Variants in C9orf78 observed in about 807,000 individuals in gnomAD.
C9orf78 encodes the protein chromosome 9 open reading frame 78.
C9orf78 carries 19 observed loss-of-function variants against 37.4 expected under a neutral mutation model. The ratio of observed to expected loss-of-function variants is 0.51; its 90% CI spans 0.35 to 0.74. The LOEUF is 0.74. Ranked by LOEUF, C9orf78 falls within the 30% of genes least tolerant of loss-of-function variation. The probability of loss-of-function intolerance (pLI) is 0.01; values close to 1 mark genes in which losing one functional copy is unlikely to be tolerated. For missense variants in C9orf78, 291 were observed against 370.8 expected (o/e 0.78, Z 1.77); for synonymous variants, 130 against 128.0 (o/e 1.02, Z -0.10).
rs1390469570 is a variant in C9orf78, at chr9:129,829,297, T to G, written c.686A>C (p.His229Pro). ...CCGTATGGGCGCGTTGAGCTCCTCA[T>G]GATAAACTGGACCCAAAGAGACCAG... ...VNYVQHNRFY[H>P]EELNAPIRRN... Residue 229 changes from histidine to proline, a missense_variant, in exon 8 of 9, where the codon CAT becomes CCT. Physicochemically the swap from His to Pro is moderately conservative, Grantham distance 77 (BLOSUM62 -2). Coordinates refer to ENST00000372447, the MANE Select transcript of C9orf78 (RefSeq NM_016520.3). The G allele has an allele frequency of 6.2e-7, 1 of 1,605,912 alleles. No homozygotes were observed. Among genetic ancestry groups the G allele is most frequent in the East Asian group, 2.2e-5 (1 of 44,780 alleles).
intron 4 of C9orf78, 52 bp downstream of exon 4, chr9:129,833,395 A>G (rs1049501114): frequency 9.4e-7 from 1 of 1,058,918 alleles, no homozygotes; most frequent in Non-Finnish European, 1.5e-6. Flanking sequence ...GGGAACCTAG[A>G]CCCAGGCAGC....
chr9:129,831,382 G>T, intron 5 of C9orf78: 1 of 368,082 alleles, frequency 2.7e-6, no homozygotes, highest in Non-Finnish European at 4.9e-6. Context: ...CAATGTTTTG[G>T]GGAAATATTA....
chr9:129,830,759 C>T (rs963616681), intron 6 of C9orf78, 112 bp downstream of exon 6: 1 of 759,404 alleles, frequency 1.3e-6, no homozygotes, highest in Admixed American at 2.0e-5. Context: ...ATCCACCCGC[C>T]TCAGCCTCCC....
chr9:129,835,275 T>G lies in C9orf78; in HGVS notation c.-54A>C, dbSNP rs1166190836. 6.7e-6 allele frequency: 9 copies of G among 1,340,928 alleles called. No homozygotes were observed. In the Admixed American group the frequency reaches 1.8e-4, roughly 26 times the overall value. The allele number at this position is 1,340,928 out of a possible 1,614,324, so 83.1% of individuals were successfully genotyped here. ...CGCGCCTCTGCGCAGCGGCCCAGGC[T>G]GCTTCCGGCGCGCGGCAGAGCGGTC... On this transcript the variant is annotated 5_prime_UTR_variant, in exon 1 of 9. Transcript: ENST00000372447.
intron 8 of C9orf78, chr9:129,828,579 T>A: frequency 4.1e-6 from 1 of 244,146 alleles, no homozygotes; most frequent in South Asian, 4.6e-5. Context: ...ACCTGCCACC[T>A]CACCTGGCTA....
At chr9:129,832,995 ATATGTGTGTGTG>A (rs1028178929) in intron 4 of C9orf78, among the ~76,000 whole-genome samples, 1 of 141,450 alleles carries the variant, frequency 7.1e-6, no homozygotes, top group African/African-American at 2.5e-5. Context: ...GTATATATAT[ATATGTGTGTGTG>A]TGTGTGTGTA....
intron 6 of C9orf78, 192 bp downstream of exon 6, chr9:129,830,679 T>G: frequency 9.4e-6 from 5 of 532,044 alleles, no homozygotes; most frequent in Non-Finnish European, 1.4e-5. Context: ...GCCCAGCTAA[T>G]TTTTGTATTT....
intron 6 of C9orf78, chr9:129,829,798 T>C (rs767030372): frequency 5.2e-6 from 2 of 387,138 alleles, no homozygotes; most frequent in Non-Finnish European, 9.3e-6. Context: ...TCAAAGTTTG[T>C]AAAGGCCAGA....
chr9:129,834,588 A>G lies in C9orf78; in HGVS notation c.143+119T>C, dbSNP rs77295310. 0.012 allele frequency: 8,951 copies of G among 716,744 alleles called. 588 individuals are homozygous for G. The African/African-American group carries it at 0.14, about 11-fold the overall frequency. The allele number at this position is 716,744 out of a possible 1,614,324, so 44.4% of individuals were successfully genotyped here. ...CGCTGTTCTCCAAGTTGGGCAGTGG[A>G]AGGTGTACAGTGTGTCAAGAGAAAA... On this transcript the variant is annotated intron_variant, in intron 2 of 8. Transcript: ENST00000372447.
intron 5 of C9orf78, 117 bp from the exon 6 acceptor site, chr9:129,831,185 GA>G: frequency 1.1e-5 from 8 of 699,822 alleles, no homozygotes; most frequent in Admixed American, 2.4e-5. Context: ...GGAGAAACGA[GA>G]AAAAAAATAA....
At position 129,835,204 on chromosome 9, in the gene C9orf78, C is replaced by A. The variant is rs750341360; in HGVS notation, c.18G>T (p.Lys6Asn). ...AGTCGCCCCGGCGGCGACGGAAAAT[C>A]TTCCGGACGACCGGCATGGTGACAA... MPVVR[K>N]IFRRRRGDSE... Residue 6 changes from lysine (K) to asparagine (N), a missense_variant, in exon 1 of 9, where the codon AAG becomes AAT. Lys to Asn is a moderately conservative substitution (Grantham distance 94). Coordinates refer to ENST00000372447, the MANE Select transcript of C9orf78 (RefSeq NM_016520.3). 2.5e-6 allele frequency: 4 copies of A among 1,610,674 alleles called. No individual in the cohort carries two copies. Among genetic ancestry groups the A allele is most frequent in the Non-Finnish European group, 3.4e-6 (4 of 1,179,094 alleles).
chr9:129,830,736 T>G, intron 6 of C9orf78, 135 bp downstream of exon 6: 1 of 673,388 alleles, frequency 1.5e-6, no homozygotes, highest in Non-Finnish European at 2.7e-6. Flanking sequence ...GGTCTTGAAC[T>G]CCTGACCTCG....
chr9:129,834,855 G>A (rs1237691728), intron 1 of C9orf78, 89 bp from the exon 2 acceptor site: 2 of 1,040,956 alleles, frequency 1.9e-6, no homozygotes, highest in Non-Finnish European at 3.0e-6. Flanking sequence ...CACCTTCGAG[G>A]GCATCCCAGC....
chr9:129,828,398 G>T, intron 8 of C9orf78, 146 bp from the exon 9 acceptor site: 2 of 564,192 alleles, frequency 3.5e-6, no homozygotes, highest in African/African-American at 2.0e-5. Flanking sequence ...GGCCTCAGTA[G>T]ATACGTATTT....
chr9:129,830,599 C>T, intron 6 of C9orf78: 3 of 423,980 alleles, frequency 7.1e-6, no homozygotes, highest in Non-Finnish European at 8.8e-6. Context: ...CTGCAACCTC[C>T]ACCTTCAGGG....
intron 4 of C9orf78, among the ~76,000 whole-genome samples, chr9:129,832,512 C>T (rs965292223): frequency 2.0e-5 from 3 of 152,138 alleles, no homozygotes; most frequent in Non-Finnish European, 4.4e-5. Flanking sequence ...AATCTCAGCT[C>T]ACTGCAACCT....
chr9:129,830,968 G>A lies in C9orf78; in HGVS notation c.445C>T (p.Leu149Phe), dbSNP rs1458156282. 1.2e-6 allele frequency: 2 copies of A among 1,612,788 alleles called. No individual in the cohort carries two copies. The highest frequency in any genetic ancestry group is 1.7e-6 in the Non-Finnish European group (2 of 1,178,770). ...GAGGAAACACGGATGTTTTCTGGAA[G>A]TTCATAAAGACAGTCCTCTGCATTC... is the stretch of plus-strand genomic sequence containing the variant. ...PKNAEDCLYE[L>F]PENIRVSSAK... The change falls in exon 6 of 9, where the codon CTT becomes TTT. Residue 149 changes from leucine to phenylalanine, a missense_variant. Leu to Phe is a conservative substitution (Grantham distance 22, BLOSUM62 0). This residue lies in a region of C9orf78 where 13 missense variants were observed against 47.3 expected (regional missense o/e 0.27). Transcript: ENST00000372447.
chr9:129,831,229 A>G (rs1305506677), intron 5 of C9orf78, among the ~76,000 whole-genome samples, 161 bp from the exon 6 acceptor site: 1 of 152,204 alleles, frequency 6.6e-6, no homozygotes, highest in Non-Finnish European at 1.5e-5. Context: ...GAAATTTTCT[A>G]AAGAAGCACC....
Position 129,828,169 on chromosome 9 carries a change from G to C in C9orf78, c.862C>G (p.Arg288Gly). 1 of 1,565,626 alleles carries C rather than the reference G, an allele frequency of 6.4e-7. No individual in the cohort carries two copies. The highest frequency in any genetic ancestry group is 8.8e-7 in the Non-Finnish European group (1 of 1,137,260). The change falls in exon 9 of 9, where the codon CGG (arginine) becomes GGG (glycine). Residue 288 changes from arginine (R) to glycine (G), a missense_variant. By Grantham distance (125) the Arg-to-Gly change is moderately radical (BLOSUM62 -2). Around this residue, in one of 3 missense-constraint regions of C9orf78, gnomAD observed 120 missense variants for 148.7 expected, o/e 0.81. Coordinates refer to ENST00000372447, the MANE Select transcript of C9orf78 (RefSeq NM_016520.3). ...HYEKFKKMNR[R>G]Y Reference sequence around the variant, plus strand: ...ATCCCACTCTGCACAACTCAGTACCGCCTATTCATTTTCTTGAACTTCTCA... The same window carrying C: ...ATCCCACTCTGCACAACTCAGTACCCCCTATTCATTTTCTTGAACTTCTCA...
Sources: gnomAD v4.1 joint callset for allele counts (sites outside exome capture counted in the v4.1 genomes callset) on GRCh38, gnomAD v4.1.1 for gene constraint, gnomAD v4.1.1 regional missense constraint, MANE v1.5 for transcripts, NCBI Gene and HGNC (gene_info 2026-07-23, HGNC 2026-07-21) for gene names.